The following PRKCA variants were observed in gnomAD, a reference collection of about 807,000 sequenced individuals.
PRKCA encodes protein kinase C alpha.
In PRKCA, 27 loss-of-function variants were observed where a neutral mutation model predicts 87.0. The observed-to-expected ratio is 0.31, with a 90% CI of 0.23 to 0.43. The LOEUF (loss-of-function observed/expected upper bound fraction) is 0.43. Among genes scored for constraint, PRKCA ranks in the 20% least tolerant of loss-of-function variants. The pLI is 1.00. For missense variants in PRKCA, 518 were observed against 852.3 expected (o/e 0.61, Z 4.88); for synonymous variants, 329 against 311.1 (o/e 1.06, Z -0.61).
chr17:66,504,346 T>C (rs1271148366), intron 3 of PRKCA, among the ~76,000 whole-genome samples: 2 of 152,130 alleles, frequency 1.3e-5, no homozygotes, highest in Non-Finnish European at 2.9e-5. Flanking sequence ...CCCAGCACTT[T>C]GGGAGGCCGA....
intron 2 of PRKCA, among the ~76,000 whole-genome samples, chr17:66,360,081 T>C (rs929794495): frequency 3.3e-5 from 5 of 152,214 alleles, no homozygotes; most frequent in Non-Finnish European, 7.3e-5. Context: ...ATTAGGAATA[T>C]TCATATCACT....
intron 3 of PRKCA, among the ~76,000 whole-genome samples, chr17:66,579,474 C>T (rs553712875): frequency 4.6e-5 from 7 of 152,274 alleles, no homozygotes; most frequent in African/African-American, 1.2e-4. Context: ...GTGTCAGGCA[C>T]GGGTCTGTGT....
intron 5 of PRKCA, among the ~76,000 whole-genome samples, chr17:66,681,724 G>A (rs1208268285): frequency 3.9e-5 from 6 of 152,142 alleles, no homozygotes; most frequent in Non-Finnish European, 5.9e-5. Flanking sequence ...AGCTGCCCAC[G>A]CTCTTGGTCC....
intron 5 of PRKCA, among the ~76,000 whole-genome samples, chr17:66,652,944 G>A (rs1002164109): frequency 2.0e-5 from 3 of 152,260 alleles, no homozygotes; most frequent in Non-Finnish European, 2.9e-5. Flanking sequence ...ACCCAACGCT[G>A]TGTTTCCTTG....
chr17:66,595,697 G>C (rs540994281), intron 3 of PRKCA, among the ~76,000 whole-genome samples: 2 of 152,028 alleles, frequency 1.3e-5, no homozygotes, highest in South Asian at 2.1e-4. Flanking sequence ...TCCTGACCTC[G>C]TGATCCGCCC....
In PRKCA at chr17:66,380,578, A is replaced by C. The variant is rs147428338; in HGVS notation, c.205+74451A>C. On this transcript the variant is annotated intron_variant, in intron 2 of 16. Transcript: ENST00000413366. Reference sequence around the variant, plus strand: ...ATCAGTACTTCTCACTTAATGTTAAATACTGCTATATTTTTGAATTATTGT... The same window carrying C: ...ATCAGTACTTCTCACTTAATGTTAACTACTGCTATATTTTTGAATTATTGT... 3.0e-4 allele frequency among the ~76,000 whole-genome samples: 45 copies of C among 152,354 alleles called. No individual in the cohort carries two copies. The East Asian group carries it at 4.4e-3, about 15-fold the overall frequency.
intron 3 of PRKCA, among the ~76,000 whole-genome samples, chr17:66,527,575 C>T (rs1967389427): frequency 6.6e-6 from 1 of 152,208 alleles, no homozygotes; most frequent in Non-Finnish European, 1.5e-5. Flanking sequence ...TGCCTGCCTC[C>T]CATGAGAAAT....
intron 3 of PRKCA, among the ~76,000 whole-genome samples, chr17:66,632,954 G>A (rs1004695234): frequency 1.3e-5 from 2 of 152,204 alleles, no homozygotes; most frequent in Non-Finnish European, 2.9e-5. Flanking sequence ...TCATCCAACT[G>A]TATAGATGAG....
At chr17:66,631,886 C>G (rs916983217) in intron 3 of PRKCA, among the ~76,000 whole-genome samples, 1 of 152,060 alleles carries the variant, frequency 6.6e-6, no homozygotes. Flanking sequence ...GGAGCAAAAA[C>G]TGGACATAAA....
At chr17:66,644,981 C>G in intron 4 of PRKCA, among the ~76,000 whole-genome samples, 1 of 151,038 alleles carries the variant, frequency 6.6e-6, no homozygotes, top group East Asian at 1.9e-4. Context: ...CAAAAGGAGA[C>G]CCTGTCTGAA....
At chr17:66,314,584 A>G (rs947183892) in intron 2 of PRKCA, among the ~76,000 whole-genome samples, 3 of 152,160 alleles carry the variant, frequency 2.0e-5, no homozygotes, top group African/African-American at 4.8e-5. Flanking sequence ...TTCCCCCTCC[A>G]GTATCCATGA....
chr17:66,315,995 T>TGTGGG (rs1168825988), intron 2 of PRKCA, among the ~76,000 whole-genome samples: 1 of 151,978 alleles, frequency 6.6e-6, no homozygotes, highest in Non-Finnish European at 1.5e-5. Context: ...TTTTGAAGCA[T>TGTGGG]GTGGGAAGGA....
intron 2 of PRKCA, among the ~76,000 whole-genome samples, chr17:66,309,143 G>A (rs1195238940): frequency 6.6e-6 from 1 of 152,032 alleles, no homozygotes; most frequent in Admixed American, 6.6e-5. Flanking sequence ...TAACTAGAGG[G>A]GTGTGTATGC....
intron 8 of PRKCA, among the ~76,000 whole-genome samples, chr17:66,721,739 G>T (rs1258700703): frequency 6.6e-6 from 1 of 152,134 alleles, no homozygotes; most frequent in Non-Finnish European, 1.5e-5. Flanking sequence ...GTTTTGGCTG[G>T]CTTCATTACT....
chr17:66,328,798 AAAAC>A (rs540809221), intron 2 of PRKCA, among the ~76,000 whole-genome samples: 196 of 152,318 alleles, frequency 1.3e-3, no homozygotes, highest in Non-Finnish European at 2.0e-3. Flanking sequence ...ACTCCGTCTC[AAAAC>A]AAACAAACGA....
At chr17:66,711,657 A>G (rs750762253) in intron 8 of PRKCA, among the ~76,000 whole-genome samples, 24 of 152,286 alleles carry the variant, frequency 1.6e-4, no homozygotes, top group African/African-American at 5.8e-4. Flanking sequence ...CAGTGCTTTT[A>G]TGTTCGCATT....
intron 2 of PRKCA, among the ~76,000 whole-genome samples, chr17:66,421,751 C>T (rs1158838980): frequency 6.6e-6 from 1 of 150,908 alleles, no homozygotes; most frequent in Non-Finnish European, 1.5e-5. Flanking sequence ...TCATGTTGGC[C>T]AGGCTTGTCT....
chr17:66,413,864 A>G (rs1241883275), intron 2 of PRKCA, among the ~76,000 whole-genome samples: 1 of 152,072 alleles, frequency 6.6e-6, no homozygotes, highest in Admixed American at 6.5e-5. Context: ...AAATACAAAA[A>G]TTAGCTGAGC....
chr17:66,673,184 G>A (rs1567968443), intron 5 of PRKCA, among the ~76,000 whole-genome samples: 1 of 152,204 alleles, frequency 6.6e-6, no homozygotes. Context: ...AAAAGGGAAA[G>A]TAATGAAATA....
Sources: allele counts gnomAD v4.1 joint callset (sites outside exome capture counted in the v4.1 genomes callset), GRCh38; gene constraint gnomAD v4.1.1; transcripts MANE v1.5; gene names NCBI Gene and HGNC (gene_info 2026-07-23, HGNC 2026-07-21).